DPP10: variants seen among roughly 807,000 people sequenced by gnomAD.
DPP10 encodes dipeptidyl peptidase like 10.
A neutral mutation model predicts 120.9 loss-of-function variants in DPP10; 33 were observed. That is an observed-to-expected ratio of 0.27 (90% CI 0.21 to 0.37). DPP10 has a LOEUF of 0.37. Ranked by LOEUF, DPP10 falls within the 10% of genes least tolerant of loss-of-function variation. The pLI, the probability that DPP10 is intolerant of heterozygous loss-of-function variation, is 1.00. For missense variants in DPP10, 816 were observed against 942.8 expected (o/e 0.87, Z 1.76); for synonymous variants, 337 against 326.1 (o/e 1.03, Z -0.36).
intron 1 of DPP10, among the ~76,000 whole-genome samples, chr2:114,815,526 T>C (rs939196192): frequency 2.0e-5 from 3 of 152,202 alleles, no homozygotes; most frequent in Non-Finnish European, 4.4e-5. Context: ...TAGTATACTT[T>C]TTAAGTTGTT....
chr2:115,599,856 T>C (rs200934699), intron 5 of DPP10, among the ~76,000 whole-genome samples: 2 of 94 alleles, frequency 0.021, no homozygotes, highest in Non-Finnish European at 0.25. Context: ...CACATCTCAC[T>C]TTTTTTTGTA....
chr2:114,450,425 A>ATT (rs776466053), intron 1 of DPP10, among the ~76,000 whole-genome samples: 4 of 148,200 alleles, frequency 2.7e-5, no homozygotes, highest in African/African-American at 9.9e-5. Flanking sequence ...AAGTGCTCTG[A>ATT]TTTTTTTTTT....
intron 4 of DPP10, among the ~76,000 whole-genome samples, chr2:115,510,143 T>C (rs2077149817): frequency 6.6e-6 from 1 of 152,188 alleles, no homozygotes; most frequent in Non-Finnish European, 1.5e-5. Flanking sequence ...CTCCCAGGTA[T>C]GTTGTCTTTC....
At chr2:115,376,418 C>G (rs75974702) in intron 3 of DPP10, among the ~76,000 whole-genome samples, 2 of 151,932 alleles carry the variant, frequency 1.3e-5, no homozygotes, top group African/African-American at 4.8e-5. Flanking sequence ...TATTGTATTA[C>G]CAAGTGGAGG....
intron 1 of DPP10, among the ~76,000 whole-genome samples, chr2:114,589,975 A>G (rs1156273017): frequency 6.6e-6 from 1 of 152,158 alleles, no homozygotes; most frequent in Admixed American, 6.5e-5. Flanking sequence ...TGATTCAGAT[A>G]TGACCCTAAT....
intron 1 of DPP10, among the ~76,000 whole-genome samples, chr2:114,639,877 G>A (rs1268907855): frequency 2.6e-5 from 4 of 151,774 alleles, no homozygotes. Context: ...ATTTCAAATG[G>A]ATTTCTATTG....
intron 1 of DPP10, among the ~76,000 whole-genome samples, chr2:115,236,160 A>G (rs1042495229): frequency 6.6e-6 from 1 of 152,214 alleles, no homozygotes; most frequent in African/African-American, 2.4e-5. Flanking sequence ...GTCTGACAGT[A>G]TGCTATACAT....
intron 1 of DPP10, chr2:115,145,040 G>A (rs1275930678): frequency 6.6e-6 from 1 of 151,740 alleles, no homozygotes; most frequent in East Asian, 1.9e-4. Flanking sequence ...GAGGAAACAG[G>A]AAGAAAAATT....
chr2:115,797,260 T>G (rs1298987589), intron 19 of DPP10, among the ~76,000 whole-genome samples: 2 of 152,062 alleles, frequency 1.3e-5, no homozygotes, highest in Admixed American at 6.6e-5. Context: ...AAATGTTCAC[T>G]TTGTGGGAAG....
At chr2:115,515,222 T>C (rs926242865) in intron 4 of DPP10, among the ~76,000 whole-genome samples, 4 of 152,020 alleles carry the variant, frequency 2.6e-5, no homozygotes, top group Non-Finnish European at 5.9e-5. Context: ...TTCAAATATA[T>C]ATGTAGGCTA....
intron 1 of DPP10, among the ~76,000 whole-genome samples, chr2:115,046,874 A>G (rs1245256660): frequency 6.6e-6 from 1 of 151,966 alleles, no homozygotes; most frequent in Non-Finnish European, 1.5e-5. Context: ...GTCTCCTGTG[A>G]TTATTTAAAT....
At chr2:114,769,118 A>G (rs1681014073) in intron 1 of DPP10, among the ~76,000 whole-genome samples, 1 of 152,166 alleles carries the variant, frequency 6.6e-6, no homozygotes, top group Non-Finnish European at 1.5e-5. Context: ...CGGAATTAAG[A>G]AATACAGTTT....
intron 3 of DPP10, among the ~76,000 whole-genome samples, chr2:115,407,430 C>G (rs1285767677): frequency 6.6e-6 from 1 of 152,134 alleles, no homozygotes; most frequent in African/African-American, 2.4e-5. Flanking sequence ...GAGGGGGCTG[C>G]TTTGGGGAAA....
intron 5 of DPP10, among the ~76,000 whole-genome samples, chr2:115,540,449 C>T (rs1323380754): frequency 6.6e-6 from 1 of 151,732 alleles, no homozygotes; most frequent in Non-Finnish European, 1.5e-5. Context: ...GTGGGGGAAA[C>T]AAAGCTTGTC....
At chr2:114,592,343 A>C (rs1468488939) in intron 1 of DPP10, among the ~76,000 whole-genome samples, 1 of 152,196 alleles carries the variant, frequency 6.6e-6, no homozygotes, top group Non-Finnish European at 1.5e-5. Flanking sequence ...AGTTTTTATA[A>C]AGAGATATGG....
intron 3 of DPP10, among the ~76,000 whole-genome samples, chr2:115,439,232 ATGGT>A: frequency 1.4e-5 from 2 of 145,328 alleles, no homozygotes; most frequent in Non-Finnish European, 3.0e-5. Context: ...AGTGGCTAAG[ATGGT>A]CATGGGAGCA....
intron 1 of DPP10, among the ~76,000 whole-genome samples, chr2:114,925,755 G>T (rs1293035302): frequency 6.6e-6 from 1 of 152,158 alleles, no homozygotes. Context: ...TACGTGCAGG[G>T]ATATGGACTG....
intron 5 of DPP10, 48 bp downstream of exon 5, chr2:115,526,020 G>T: frequency 1.4e-6 from 2 of 1,441,794 alleles, no homozygotes; most frequent in South Asian, 2.5e-5. Context: ...TGATGCATTG[G>T]GGTGACAATG....
rs377701662 is a variant in DPP10 at position 115,244,216 on chromosome 2, GTATATA to G, written c.61-65004_61-64999del. On this transcript the variant is annotated intron_variant, in intron 1 of 25. Transcript: ENST00000410059. ...AGTGTCTATATATATATATGTGTGT[GTATATA>G]TATATATATATATATATAGAGAGAG... 4.4e-4 allele frequency among the ~76,000 whole-genome samples: 53 copies of G among 119,842 alleles called. 1 individual carries two copies. Among genetic ancestry groups the G allele is most frequent in the African/African-American group, 1.5e-3 (46 of 30,306 alleles). 78.6% of individuals were successfully genotyped at this position (119,842 alleles called of 152,430 possible).
Sources: allele counts gnomAD v4.1 joint callset (sites outside exome capture counted in the v4.1 genomes callset), GRCh38; gene constraint gnomAD v4.1.1; transcripts MANE v1.5; gene names NCBI Gene and HGNC (gene_info 2026-07-23, HGNC 2026-07-21).